The following RALGPS2 variants were observed in gnomAD, a reference collection of about 807,000 sequenced individuals.
RALGPS2 encodes Ral GEF with PH domain and SH3 binding motif 2, also known as ras-specific guanine nucleotide-releasing factor RalGPS2.
In RALGPS2, 43 loss-of-function variants were observed where a neutral mutation model predicts 86.8. That is an observed-to-expected ratio of 0.50 (90% CI 0.39 to 0.64). RALGPS2 has a LOEUF of 0.64. RALGPS2 is among the 30% of genes least tolerant of loss of function. The pLI is 0.00. For missense variants in RALGPS2, 536 were observed against 694.6 expected (o/e 0.77, Z 2.57); for synonymous variants, 243 against 231.3 (o/e 1.05, Z -0.46).
At chr1:178,898,017 T>C (rs1004620403) in intron 17 of RALGPS2, among the ~76,000 whole-genome samples, 1 of 152,036 alleles carries the variant, frequency 6.6e-6, no homozygotes, top group African/African-American at 2.4e-5. Flanking sequence ...TTCAAAACTA[T>C]TGCCTTGGAG....
At chr1:178,902,289 T>A in intron 18 of RALGPS2, 78 bp downstream of exon 18, 1 of 1,128,862 alleles carries the variant, frequency 8.9e-7, no homozygotes, top group South Asian at 1.3e-5. Context: ...TGTGTGTGTA[T>A]ACTTGTCATA....
chr1:178,893,381 A>G (rs571796560), intron 15 of RALGPS2, among the ~76,000 whole-genome samples: 1 of 151,650 alleles, frequency 6.6e-6, no homozygotes, highest in South Asian at 2.1e-4. Context: ...GCAGAAAGCT[A>G]GTTTTTAAAA....
chr1:178,794,816 C>T (rs1340220547), intron 4 of RALGPS2, among the ~76,000 whole-genome samples: 2 of 152,114 alleles, frequency 1.3e-5, no homozygotes, highest in East Asian at 3.9e-4. Flanking sequence ...CTGTTTGCCT[C>T]TTTTATGAGG....
At chr1:178,785,457 A>G (rs1396828198) in intron 3 of RALGPS2, 100 bp from the exon 4 acceptor site, 3 of 1,252,466 alleles carry the variant, frequency 2.4e-6, no homozygotes, top group Admixed American at 2.9e-5. Flanking sequence ...AAAATTGAGT[A>G]TTTGGTAATA....
intron 9 of RALGPS2, among the ~76,000 whole-genome samples, chr1:178,878,637 TTC>T (rs1659098875): frequency 6.6e-6 from 1 of 152,144 alleles, no homozygotes; most frequent in Non-Finnish European, 1.5e-5. Flanking sequence ...CTTGATCTTT[TTC>T]TGTGAAATTT....
chr1:178,808,105 G>C lies in RALGPS2; in HGVS notation c.274G>C (p.Ala92Pro). Reference sequence around the variant, plus strand: ...ATATAGTTCTGCACCAAATGCAGTTGCCTTCACAAGAAGATTCAATCATGT... The same window carrying C: ...ATATAGTTCTGCACCAAATGCAGTTCCCTTCACAAGAAGATTCAATCATGT... ...EKYSSAPNAV[A>P]FTRRFNHVSF... Residue 92 changes from alanine to proline, a missense_variant, in exon 5 of 20, where the codon GCC becomes CCC. Ala to Pro is a conservative substitution (Grantham distance 27). Coordinates refer to ENST00000367635, the MANE Select transcript of RALGPS2 (RefSeq NM_152663.5). The C allele has an allele frequency of 6.2e-7, 1 of 1,608,626 alleles. No individual in the cohort carries two copies. Among genetic ancestry groups the C allele is most frequent in the Non-Finnish European group, 8.5e-7 (1 of 1,175,556 alleles).
chr1:178,798,612 C>T (rs1428833003), intron 4 of RALGPS2, among the ~76,000 whole-genome samples: 3 of 151,792 alleles, frequency 2.0e-5, no homozygotes, highest in Admixed American at 1.3e-4. Flanking sequence ...TAAATGAATC[C>T]AGTGTAAGGA....
rs145675436 is a variant in RALGPS2, at chr1:178,767,343, G to A, written c.-83-9339G>A. On this transcript the variant is annotated intron_variant, in intron 1 of 19. Transcript: ENST00000367635. ...GGCTGATATTTCTTCAGTCTCTGAA[G>A]TTGCTGTCCTTTGGCTTTTTTTTTT... Among the ~76,000 whole-genome samples the A allele has an allele frequency of 1.3e-3, 181 of 134,616 alleles. 1 individual carries two copies. The highest frequency in any genetic ancestry group is 4.8e-3 in the African/African-American group (173 of 36,324). The allele number at this position is 134,616 out of a possible 152,430, so 88.3% of individuals were successfully genotyped here.
chr1:178,872,220 A>AT lies in RALGPS2; in HGVS notation c.608-5277dup, dbSNP rs566709251. 9.2e-5 allele frequency among the ~76,000 whole-genome samples: 14 copies of AT among 152,288 alleles called. No homozygotes were observed. In the South Asian group the frequency reaches 2.9e-3, roughly 32 times the overall value. ...CTCTTTCTGTTAGGCCACACTGTTG[A>AT]TCCACATCCTTTATTTAAAGTCTGA... On this transcript the variant is annotated intron_variant, in intron 8 of 19. Coordinates refer to ENST00000367635, the MANE Select transcript of RALGPS2 (RefSeq NM_152663.5).
At chr1:178,892,094 C>G (rs1659736483) in intron 14 of RALGPS2, 136 bp from the exon 15 acceptor site, 1 of 827,504 alleles carries the variant, frequency 1.2e-6, no homozygotes, top group African/African-American at 1.8e-5. Context: ...GAAAGAGGAA[C>G]AATCACATAC....
chr1:178,800,165 A>G (rs950848961), intron 4 of RALGPS2, among the ~76,000 whole-genome samples: 3 of 152,204 alleles, frequency 2.0e-5, no homozygotes, highest in Non-Finnish European at 4.4e-5. Flanking sequence ...ACCAGAAAAC[A>G]AATTGACATT....
chr1:178,862,593 TTTTA>T (rs57690079), intron 8 of RALGPS2, among the ~76,000 whole-genome samples: 46,023 of 140,438 alleles, frequency 0.33, 7,626 homozygotes, highest in Non-Finnish European at 0.38. Flanking sequence ...GTTGCATTTT[TTTTA>T]TTTATTTATT....
At chr1:178,838,345 G>T (rs763406912) in intron 8 of RALGPS2, among the ~76,000 whole-genome samples, 1 of 152,168 alleles carries the variant, frequency 6.6e-6, no homozygotes, top group Non-Finnish European at 1.5e-5. Context: ...GAACAATCAG[G>T]CAGCAACATT....
intron 8 of RALGPS2, chr1:178,853,853 A>C: frequency 7.5e-7 from 1 of 1,332,252 alleles, no homozygotes; most frequent in South Asian, 1.8e-5. Context: ...AAAAGTTTTT[A>C]ATCAAGATTT....
intron 8 of RALGPS2, among the ~76,000 whole-genome samples, chr1:178,875,368 G>C (rs760616595): frequency 6.6e-6 from 1 of 152,206 alleles, no homozygotes; most frequent in Non-Finnish European, 1.5e-5. Flanking sequence ...TTGTTGAAGG[G>C]AGGACAAGGA....
chr1:178,905,598 A>T (rs376149157), intron 18 of RALGPS2, among the ~76,000 whole-genome samples: 1 of 152,246 alleles, frequency 6.6e-6, no homozygotes, highest in South Asian at 2.1e-4. Flanking sequence ...GCTTAAATAT[A>T]GTTAGGCTCT....
intron 8 of RALGPS2, among the ~76,000 whole-genome samples, chr1:178,876,533 G>A (rs573988723): frequency 1.3e-5 from 2 of 152,274 alleles, no homozygotes; most frequent in East Asian, 3.9e-4. Context: ...ATAAGATTTG[G>A]ATAGGCAGAG....
chr1:178,771,959 C>T (rs1410852385), intron 1 of RALGPS2, among the ~76,000 whole-genome samples: 3 of 152,096 alleles, frequency 2.0e-5, no homozygotes, highest in African/African-American at 7.2e-5. Context: ...CCTCACATTC[C>T]AGGTACAAGA....
intron 19 of RALGPS2, among the ~76,000 whole-genome samples, chr1:178,908,863 G>A (rs1660494661): frequency 6.6e-6 from 1 of 152,102 alleles, no homozygotes; most frequent in South Asian, 2.1e-4. Flanking sequence ...AGGAATGTTG[G>A]TTTATTCTGC....
Sources: allele counts gnomAD v4.1 joint callset (sites outside exome capture counted in the v4.1 genomes callset), GRCh38; gene constraint gnomAD v4.1.1; transcripts MANE v1.5; gene names NCBI Gene and HGNC (gene_info 2026-07-23, HGNC 2026-07-21).